The following CEMIP2 variants were observed in gnomAD, a reference collection of about 807,000 sequenced individuals.
The protein encoded by CEMIP2 is cell migration inducing hyaluronidase 2, also known as cell surface hyaluronidase CEMIP2.
Under a neutral mutation model 146.9 loss-of-function variants are expected in CEMIP2, and 79 were observed. That is an observed-to-expected ratio of 0.54 (90% confidence interval 0.45 to 0.65). The LOEUF is 0.65. CEMIP2 is among the 30% of genes least tolerant of loss of function. The pLI, the probability that CEMIP2 is intolerant of heterozygous loss-of-function variation, is 0.00. For synonymous variants in CEMIP2, 601 were observed against 606.3 expected (o/e 0.99, Z 0.13); for missense variants, 1,596 against 1,696.2 (o/e 0.94, Z 1.04).
At chr9:71,692,900 C>T (rs1822274163) in intron 21 of CEMIP2, among the ~76,000 whole-genome samples, 2 of 134,558 alleles carry the variant, frequency 1.5e-5, no homozygotes, top group Non-Finnish European at 3.1e-5. Context: ...GACCCTGTCT[C>T]AAAAACAAAC....
Position 71,704,755 on chromosome 9 carries a change from G to A in CEMIP2, c.3034C>T (p.Arg1012Ter), listed in dbSNP as rs780849860. The change falls in exon 18 of 24, where the codon CGA (arginine) becomes TGA (stop). Residue 1012 changes from arginine (R) to a stop codon, truncating the protein, a stop_gained. Transcript: ENST00000377044. LOFTEE classifies it high-confidence loss of function. Reference sequence around the variant, plus strand: ...ATAGGGTTGGACGGATACTCATCTCGTGTAATGGTCATAGAAAGATTCTGA... The same window carrying A: ...ATAGGGTTGGACGGATACTCATCTCATGTAATGGTCATAGAAAGATTCTGA... ...STQNLSMTIT[R>*]DEYPSNPMVL... 1.4e-5 allele frequency: 23 copies of A among 1,613,982 alleles called. No individual in the cohort carries two copies. The highest frequency in any genetic ancestry group is 3.3e-5 in the Admixed American group (2 of 59,998).
chr9:71,721,904 C>A (rs1266762918), intron 12 of CEMIP2, among the ~76,000 whole-genome samples: 6 of 152,106 alleles, frequency 3.9e-5, no homozygotes, highest in South Asian at 2.1e-4. Context: ...TTTGTGATTA[C>A]AAAAGAAAGT....
At chr9:71,736,426 G>A (rs1181645407) in intron 5 of CEMIP2, among the ~76,000 whole-genome samples, 3 of 152,138 alleles carry the variant, frequency 2.0e-5, no homozygotes, top group Admixed American at 6.5e-5. Context: ...ATGTATCCAC[G>A]GATGTCTACT....
intron 1 of CEMIP2, among the ~76,000 whole-genome samples, chr9:71,753,732 CTTTATG>C (rs1331769679): frequency 1.3e-5 from 2 of 151,994 alleles, no homozygotes; most frequent in African/African-American, 4.8e-5. Context: ...CAGGATTTCA[CTTTATG>C]TTTGTGGATT....
chr9:71,742,530 C>A (rs118079430), intron 4 of CEMIP2, among the ~76,000 whole-genome samples: 1 of 152,162 alleles, frequency 6.6e-6, no homozygotes, highest in Non-Finnish European at 1.5e-5. Flanking sequence ...TGCAATGGAA[C>A]GCTGGCAAAA....
rs201363288 is a variant in CEMIP2 at position 71,701,581 on chromosome 9, AT to A, written c.3195-758del. Among the ~76,000 whole-genome samples the A allele has an allele frequency of 8.2e-3, 1,252 of 152,194 alleles. 12 individuals carry two copies. Among genetic ancestry groups the A allele is most frequent in the Non-Finnish European group, 0.014 (924 of 67,994 alleles). On this transcript the variant is annotated intron_variant, in intron 18 of 23. Transcript: ENST00000377044. ...TACATTGGCAAAAGCATTCTAAATA[AT>A]TTTTTTGTTTATAATTTTACCTTTT...
chr9:71,730,857 G>T lies in CEMIP2; in HGVS notation c.1621C>A (p.Gln541Lys), dbSNP rs749857092. ...LSYVELKHMGQQQMGRYPVHF... is the reference protein window; with the variant it reads ...LSYVELKHMGKQQMGRYPVHF... ...ACAGGGTATCGCCCCATCTGCTGCTGACCCATGTGTTTCAATTCCACATAA... is the reference window on the plus strand; with the variant it reads ...ACAGGGTATCGCCCCATCTGCTGCTTACCCATGTGTTTCAATTCCACATAA... Residue 541 changes from glutamine (Q) to lysine (K), a missense_variant, in exon 8 of 24, where the codon CAG becomes AAG. Transcript: ENST00000377044. The T allele has an allele frequency of 1.2e-6, 2 of 1,614,124 alleles. No individual in the cohort carries two copies. Among genetic ancestry groups the T allele is most frequent in the Admixed American group, 1.7e-5 (1 of 60,004 alleles).
chr9:71,695,434 G>T (rs534361915), intron 20 of CEMIP2, among the ~76,000 whole-genome samples: 3 of 152,206 alleles, frequency 2.0e-5, no homozygotes, highest in South Asian at 2.1e-4. Flanking sequence ...CAGCGCTTTG[G>T]GGGGCTGAGA....
At chr9:71,763,487 CA>C (rs1187647065) in intron 1 of CEMIP2, among the ~76,000 whole-genome samples, 1 of 152,202 alleles carries the variant, frequency 6.6e-6, no homozygotes, top group African/African-American at 2.4e-5. Context: ...CAGGCAACAA[CA>C]TCCTAATGAC....
intron 10 of CEMIP2, among the ~76,000 whole-genome samples, chr9:71,728,269 A>ATATATACG (rs1554684688): frequency 6.6e-5 from 1 of 15,082 alleles, no homozygotes; most frequent in African/African-American, 1.6e-4. Flanking sequence ...ACGTATATAT[A>ATATATACG]TATATATATA....
At chr9:71,704,081 A>G (rs1822654810) in intron 18 of CEMIP2, among the ~76,000 whole-genome samples, 1 of 152,254 alleles carries the variant, frequency 6.6e-6, no homozygotes, top group Admixed American at 6.5e-5. Flanking sequence ...GCCTGTGATT[A>G]GAACAGACAA....
At chr9:71,720,782 G>A (rs980393060) in intron 12 of CEMIP2, among the ~76,000 whole-genome samples, 1 of 152,288 alleles carries the variant, frequency 6.6e-6, no homozygotes, top group African/African-American at 2.4e-5. Flanking sequence ...ATATGCACAA[G>A]CTCTTGTTCC....
chr9:71,759,665 T>C (rs528295103), intron 1 of CEMIP2, among the ~76,000 whole-genome samples: 52 of 152,308 alleles, frequency 3.4e-4, no homozygotes, highest in Non-Finnish European at 4.0e-4. Context: ...AATTGACTTC[T>C]AGATAGTTCT....
chr9:71,764,795 A>C (rs1295430248), intron 1 of CEMIP2, among the ~76,000 whole-genome samples: 1 of 148,494 alleles, frequency 6.7e-6, no homozygotes, highest in Admixed American at 6.8e-5. Flanking sequence ...CCTAGACAGC[A>C]GCTGCTGCTA....
chr9:71,690,968 T>C (rs764154290), intron 21 of CEMIP2, among the ~76,000 whole-genome samples: 2 of 152,222 alleles, frequency 1.3e-5, no homozygotes, highest in Non-Finnish European at 2.9e-5. Context: ...AACTAAGCAC[T>C]AATTAAACCC....
In CEMIP2 at chr9:71,740,231, G is replaced by A; in HGVS notation, c.1036C>T (p.Gln346Ter). The A allele has an allele frequency of 6.2e-7, 1 of 1,612,458 alleles. No homozygotes were observed. The highest frequency in any genetic ancestry group is 1.7e-5 in the Admixed American group (1 of 59,920). Residue 346 changes from glutamine (Q) to a stop codon, truncating the protein, a stop_gained and splice_region_variant, in exon 5 of 24, where the codon CAA becomes TAA. Coordinates refer to ENST00000377044, the MANE Select transcript of CEMIP2 (RefSeq NM_013390.3). LOFTEE classifies it high-confidence loss of function. ...SELIQGLGYR[Q>*]AWALVGVIDG... Reference sequence around the variant, plus strand: ...ATGACACCAACTAAAGCCCAAGCTTGCCTAGAAGGAAAAAGAGCATGTGCA... The same window carrying A: ...ATGACACCAACTAAAGCCCAAGCTTACCTAGAAGGAAAAAGAGCATGTGCA...
intron 1 of CEMIP2, among the ~76,000 whole-genome samples, chr9:71,758,262 G>A (rs1012951667): frequency 5.3e-5 from 8 of 152,146 alleles, no homozygotes; most frequent in African/African-American, 1.7e-4. Context: ...AAAACCCTTA[G>A]ACCTCTAAAC....
chr9:71,764,288 A>C (rs1202274630), intron 1 of CEMIP2, among the ~76,000 whole-genome samples: 1 of 152,208 alleles, frequency 6.6e-6, no homozygotes, highest in Non-Finnish European at 1.5e-5. Context: ...GGCAATGAAA[A>C]AATATACATA....
intron 10 of CEMIP2, among the ~76,000 whole-genome samples, chr9:71,729,002 T>TC (rs1232112091): frequency 6.6e-6 from 1 of 151,628 alleles, no homozygotes; most frequent in Non-Finnish European, 1.5e-5. Context: ...GGCTTTTTTT[T>TC]TGGAGGGTGT....
Sources: gnomAD v4.1 joint callset for allele counts (sites outside exome capture counted in the v4.1 genomes callset) on GRCh38, gnomAD v4.1.1 for gene constraint, MANE v1.5 for transcripts, NCBI Gene and HGNC (gene_info 2026-07-23, HGNC 2026-07-21) for gene names.